The following USP47 variants were observed in gnomAD, a reference collection of about 807,000 sequenced individuals.
USP47 encodes the protein ubiquitin carboxyl-terminal hydrolase 47.
A neutral mutation model predicts 165.1 loss-of-function variants in USP47; 35 were observed. The ratio of observed to expected loss-of-function variants is 0.21; its 90% CI spans 0.16 to 0.28. The LOEUF (loss-of-function observed/expected upper bound fraction) is 0.28. Among genes scored for constraint, USP47 ranks in the 10% least tolerant of loss-of-function variants. The pLI is 1.00. For missense variants in USP47, 1,277 were observed against 1,607.4 expected (o/e 0.79, Z 3.52); for synonymous variants, 531 against 544.5 (o/e 0.98, Z 0.35).
At chr11:11,875,035 G>GTATGTA in intron 1 of USP47, among the ~76,000 whole-genome samples, 1 of 50,934 alleles carries the variant, frequency 2.0e-5, no homozygotes, top group East Asian at 9.8e-4. Context: ...TTGACTTATT[G>GTATGTA]TGTGTGTGTG....
At chr11:11,870,250 T>C (rs996295240) in intron 1 of USP47, among the ~76,000 whole-genome samples, 2 of 152,150 alleles carry the variant, frequency 1.3e-5, no homozygotes, top group Non-Finnish European at 2.9e-5. Context: ...GTTATTTTAC[T>C]AGTTCAAGTG....
At chr11:11,867,711 A>T (rs183689585) in intron 1 of USP47, among the ~76,000 whole-genome samples, 198 of 152,232 alleles carry the variant, frequency 1.3e-3, no homozygotes, top group African/African-American at 4.6e-3. Context: ...GTGATTTTTT[A>T]AAAATGTGAG....
intron 1 of USP47, among the ~76,000 whole-genome samples, chr11:11,859,335 G>A (rs546488959): frequency 6.6e-6 from 1 of 152,236 alleles, no homozygotes; most frequent in South Asian, 2.1e-4. Flanking sequence ...TTGAGAAAGG[G>A]ATTTACGTAT....
intron 1 of USP47, among the ~76,000 whole-genome samples, chr11:11,863,946 G>C (rs1240079531): frequency 6.6e-6 from 1 of 151,970 alleles, no homozygotes; most frequent in Non-Finnish European, 1.5e-5. Context: ...AAGACCTCTA[G>C]GTTCTTTTTC....
chr11:11,911,473 TAAAG>T (rs1200894528), intron 8 of USP47, among the ~76,000 whole-genome samples: 12 of 152,194 alleles, frequency 7.9e-5, no homozygotes, highest in African/African-American at 2.9e-4. Flanking sequence ...TAGTGTCAGA[TAAAG>T]AAGACTTTAG....
intron 13 of USP47, 66 bp downstream of exon 13, chr11:11,930,186 TATC>T (rs1003206988): frequency 7.0e-7 from 1 of 1,429,012 alleles, no homozygotes; most frequent in African/African-American, 1.4e-5. Context: ...AGTGTTTTTT[TATC>T]ATCAAAGATT....
At chr11:11,935,811 C>T (rs1018809471) in intron 16 of USP47, among the ~76,000 whole-genome samples, 2 of 151,852 alleles carry the variant, frequency 1.3e-5, no homozygotes, top group African/African-American at 4.8e-5. Context: ...AAGGGGATAT[C>T]GTAGAAGCCA....
In USP47 at chr11:11,892,109, A is replaced by G; in HGVS notation, c.496+3A>G. 6.2e-7 allele frequency: 1 copy of G among 1,611,546 alleles called. No homozygotes were observed. The highest frequency in any genetic ancestry group is 8.5e-7 in the Non-Finnish European group (1 of 1,179,046). On this transcript the variant is annotated splice_donor_region_variant and intron_variant, in intron 4 of 27. Coordinates refer to ENST00000527733, the MANE Select transcript of USP47 (RefSeq NM_001282659.2). ...TATTTTGAATAAATCAGAAACTGGT[A>G]AGATTTGTTGTATTTTCATAAAATC...
chr11:11,892,121 A>G lies in USP47; in HGVS notation c.496+15A>G. 6.2e-7 allele frequency: 1 copy of G among 1,608,830 alleles called. No homozygotes were observed. The highest frequency in any genetic ancestry group is 1.1e-5 in the South Asian group (1 of 90,116). Reference sequence around the variant, plus strand: ...ATCAGAAACTGGTAAGATTTGTTGTATTTTCATAAAATCATAGGGCATTAG... The same window carrying G: ...ATCAGAAACTGGTAAGATTTGTTGTGTTTTCATAAAATCATAGGGCATTAG... On this transcript the variant is annotated intron_variant, in intron 4 of 27. Coordinates refer to ENST00000527733, the MANE Select transcript of USP47 (RefSeq NM_001282659.2).
intron 2 of USP47, among the ~76,000 whole-genome samples, chr11:11,883,922 A>C (rs546543564): frequency 6.6e-6 from 1 of 152,272 alleles, no homozygotes; most frequent in South Asian, 2.1e-4. Flanking sequence ...GCTTTTCCTT[A>C]AGGAGTCTTT....
intron 1 of USP47, among the ~76,000 whole-genome samples, chr11:11,865,633 A>G (rs1849630325): frequency 6.6e-6 from 1 of 152,072 alleles, no homozygotes; most frequent in Non-Finnish European, 1.5e-5. Flanking sequence ...AGCAATGCAC[A>G]AGAGTTCCAG....
intron 18 of USP47, among the ~76,000 whole-genome samples, chr11:11,940,190 A>C (rs1367301350): frequency 6.6e-6 from 1 of 152,008 alleles, no homozygotes; most frequent in Non-Finnish European, 1.5e-5. Flanking sequence ...CCTTACCTTT[A>C]AAATAGTTTC....
chr11:11,932,941 C>A, intron 14 of USP47, 63 bp from the exon 15 acceptor site: 2 of 1,214,368 alleles, frequency 1.6e-6, no homozygotes, highest in Non-Finnish European at 2.4e-6. Context: ...CATAGTGAAG[C>A]AGGATGAATA....
Position 11,942,879 on chromosome 11 carries a change from A to T in USP47, c.2858A>T (p.Asn953Ile). 3 of 1,613,724 alleles carry T rather than the reference A, an allele frequency of 1.9e-6. No homozygotes were observed. The highest frequency in any genetic ancestry group is 2.5e-6 in the Non-Finnish European group (3 of 1,179,754). Residue 953 changes from asparagine (N) to isoleucine (I), a missense_variant, in exon 20 of 28, where the codon AAT (asparagine) becomes ATT (isoleucine). By Grantham distance (149) the Asn-to-Ile change is moderately radical. Around this residue, in one of 4 missense-constraint regions of USP47, gnomAD observed 909 missense variants for 1,068.1 expected, o/e 0.85. Coordinates refer to ENST00000527733, the MANE Select transcript of USP47 (RefSeq NM_001282659.2). Reference sequence around the variant, plus strand: ...AGTCATAGCAGTGATACTTTGTGCAATGCAGACAATGCTCAGATCCCTTTG... The same window carrying T: ...AGTCATAGCAGTGATACTTTGTGCATTGCAGACAATGCTCAGATCCCTTTG... ...SSSHSSDTLCNADNAQIPLAN... is the reference protein window; with the variant it reads ...SSSHSSDTLCIADNAQIPLAN...
At chr11:11,845,153 C>T (rs1165350107) in intron 1 of USP47, among the ~76,000 whole-genome samples, 1 of 152,152 alleles carries the variant, frequency 6.6e-6, no homozygotes, top group Non-Finnish European at 1.5e-5. Context: ...GTAGTTGCTA[C>T]AGAGACTCTA....
intron 11 of USP47, among the ~76,000 whole-genome samples, chr11:11,925,291 G>C (rs138545936): frequency 6.6e-6 from 1 of 151,944 alleles, no homozygotes; most frequent in East Asian, 1.9e-4. Context: ...TGTATTTTTA[G>C]TAGAGATGGG....
intron 8 of USP47, among the ~76,000 whole-genome samples, chr11:11,914,420 T>C (rs77591910): frequency 0.054 from 8,290 of 152,138 alleles, 589 homozygotes; most frequent in African/African-American, 0.16. Flanking sequence ...TAAACTTAAA[T>C]GTAAAATGTA....
chr11:11,869,708 T>G (rs1849908712), intron 1 of USP47, among the ~76,000 whole-genome samples: 1 of 152,216 alleles, frequency 6.6e-6, no homozygotes, highest in African/African-American at 2.4e-5. Context: ...AAAATTCATG[T>G]GGAAATTTAG....
At chr11:11,887,763 C>G (rs764512389) in intron 3 of USP47, among the ~76,000 whole-genome samples, 4 of 152,178 alleles carry the variant, frequency 2.6e-5, no homozygotes, top group African/African-American at 9.7e-5. Flanking sequence ...CCCACAACAA[C>G]AGAATATACA....
Sources: gnomAD v4.1 joint callset for allele counts (sites outside exome capture counted in the v4.1 genomes callset) on GRCh38, gnomAD v4.1.1 for gene constraint, gnomAD v4.1.1 regional missense constraint, MANE v1.5 for transcripts, NCBI Gene and HGNC (gene_info 2026-07-23, HGNC 2026-07-21) for gene names.